The following STK24 variants were observed in gnomAD, a reference collection of about 807,000 sequenced individuals.
STK24 encodes the protein serine/threonine kinase 24, also known as serine/threonine-protein kinase 24.
STK24 carries 21 observed loss-of-function variants against 55.6 expected under a neutral mutation model. The ratio of observed to expected loss-of-function variants is 0.38; its 90% CI spans 0.27 to 0.54. The LOEUF is 0.54. Among genes scored for constraint, STK24 ranks in the 20% least tolerant of loss-of-function variants. The pLI is 0.79. For synonymous variants in STK24, 200 were observed against 215.2 expected, an observed-to-expected ratio of 0.93 and a Z score of 0.62; for missense variants, 383 against 538.4, an observed-to-expected ratio of 0.71 and a Z score of 2.86.
At chr13:98,555,682 T>A (rs1311596357) in intron 1 of STK24, among the ~76,000 whole-genome samples, 1 of 90,384 alleles carries the variant, frequency 1.1e-5, no homozygotes, top group East Asian at 2.6e-4. Flanking sequence ...CCTCCCTGTC[T>A]TTTTTTTTTT....
chr13:98,516,728 G>A (rs1379218009), intron 2 of STK24, among the ~76,000 whole-genome samples: 2 of 152,234 alleles, frequency 1.3e-5, no homozygotes, highest in Non-Finnish European at 2.9e-5. Flanking sequence ...AAGGAACTCA[G>A]GTTCCTGAAT....
intron 3 of STK24, among the ~76,000 whole-genome samples, chr13:98,476,820 A>AC (rs1263950950): frequency 6.6e-6 from 1 of 152,222 alleles, no homozygotes; most frequent in Non-Finnish European, 1.5e-5. Flanking sequence ...GGCCACTCTC[A>AC]GAGGTGGCCT....
At chr13:98,476,414 T>A (rs1894380334) in intron 3 of STK24, among the ~76,000 whole-genome samples, 1 of 152,284 alleles carries the variant, frequency 6.6e-6, no homozygotes, top group East Asian at 1.9e-4. Context: ...ATTCTTGGTT[T>A]TCAGACTTGA....
chr13:98,534,047 C>A (rs547295871), intron 1 of STK24, among the ~76,000 whole-genome samples: 1 of 152,228 alleles, frequency 6.6e-6, no homozygotes, highest in Admixed American at 6.5e-5. Flanking sequence ...GCGGGCACCC[C>A]GCTTGGTCAT....
chr13:98,491,611 T>G, intron 2 of STK24, among the ~76,000 whole-genome samples: 1 of 150,178 alleles, frequency 6.7e-6, no homozygotes, highest in Non-Finnish European at 1.5e-5. Context: ...CTGGAAACAC[T>G]GCAACACCAA....
chr13:98,494,412 C>CCAAAAAAA (rs1895167505), intron 2 of STK24, among the ~76,000 whole-genome samples: 1 of 66,726 alleles, frequency 1.5e-5, no homozygotes, highest in African/African-American at 5.3e-5. Flanking sequence ...AGACTCGTCT[C>CCAAAAAAA]AAAAAAAAAA....
rs765883525 is a variant in STK24 at position 98,576,761 on chromosome 13, C to A, written c.26G>T (p.Gly9Val). Residue 9 changes from glycine (G) to valine (V), a missense_variant, in exon 1 of 11, where the codon GGC (glycine) becomes GTC (valine). By Grantham distance (109) the Gly-to-Val change is moderately radical (BLOSUM62 -3). Coordinates refer to ENST00000539966, the MANE Select transcript of STK24 (RefSeq NM_001032296.4). MAHSPVQSGLPGMQNLKAD... is the reference protein window; with the variant it reads MAHSPVQSVLPGMQNLKAD... ...CCCGCCTACCTGCATGCCGGGCAGG[C>A]CCGACTGCACCGGGGAGTGAGCCAT... 6.6e-5 allele frequency: 96 copies of A among 1,454,084 alleles called. 1 individual carries two copies. The South Asian group carries it at 1.2e-3, about 18-fold the overall frequency. 90.1% of individuals were successfully genotyped at this position (1,454,084 alleles called of 1,614,324 possible). A position where few individuals can be genotyped will look rare whatever the true frequency, so the allele number is the denominator to read the frequency against.
intron 2 of STK24, among the ~76,000 whole-genome samples, chr13:98,497,516 G>A (rs1204321203): frequency 3.9e-5 from 6 of 152,200 alleles, no homozygotes; most frequent in African/African-American, 1.4e-4. Flanking sequence ...ATGAAAGAGA[G>A]GTCAGAACCT....
At chr13:98,475,548 G>A (rs774219456) in intron 3 of STK24, among the ~76,000 whole-genome samples, 190 bp from the exon 4 acceptor site, 8 of 152,178 alleles carry the variant, frequency 5.3e-5, no homozygotes, top group Non-Finnish European at 1.0e-4. Flanking sequence ...CAAAGGGCCC[G>A]AGAAAATGGC....
At chr13:98,491,835 T>A (rs1383056671) in intron 2 of STK24, among the ~76,000 whole-genome samples, 1 of 152,136 alleles carries the variant, frequency 6.6e-6, no homozygotes, top group East Asian at 1.9e-4. Flanking sequence ...AACTTCCAGT[T>A]ACTATAACCA....
rs143420442 is a variant in STK24 at position 98,503,481 on chromosome 13, T to A, written c.273+15762A>T. Among the ~76,000 whole-genome samples, 460 of 152,376 alleles carry A rather than the reference T, an allele frequency of 3.0e-3. 2 individuals are homozygous for A. The highest frequency in any genetic ancestry group is 0.01 in the African/African-American group (424 of 41,588). ...AGCAAGTGAAAGTTCATTGTTTATA[T>A]GGCTGCCTCACATTAAAGTGGCTGC... On this transcript the variant is annotated intron_variant, in intron 2 of 10. Coordinates refer to ENST00000539966, the MANE Select transcript of STK24 (RefSeq NM_001032296.4).
chr13:98,519,948 G>A (rs945511431), intron 1 of STK24, among the ~76,000 whole-genome samples: 5 of 152,080 alleles, frequency 3.3e-5, no homozygotes, highest in African/African-American at 4.8e-5. Flanking sequence ...AACGTATACC[G>A]TAACTATGCA....
chr13:98,545,633 CA>C (rs57995539), intron 1 of STK24, among the ~76,000 whole-genome samples: 24,289 of 117,950 alleles, frequency 0.21, 2,154 homozygotes, highest in Non-Finnish European at 0.24. Context: ...AACTCCATCT[CA>C]AAAAAAAAAA....
intron 1 of STK24, among the ~76,000 whole-genome samples, chr13:98,565,540 G>A (rs1014497691): frequency 1.3e-4 from 19 of 151,266 alleles, no homozygotes; most frequent in Non-Finnish European, 4.4e-5. Flanking sequence ...GCTGAGGCAG[G>A]AGAATTGCTT....
chr13:98,478,953 C>T (rs1894486268), intron 3 of STK24, among the ~76,000 whole-genome samples: 1 of 152,194 alleles, frequency 6.6e-6, no homozygotes, highest in Non-Finnish European at 1.5e-5. Flanking sequence ...AATTGACAGA[C>T]CTCCCCACCA....
chr13:98,527,378 GTGGCC>G (rs1286637266), intron 1 of STK24, among the ~76,000 whole-genome samples: 2 of 152,218 alleles, frequency 1.3e-5, no homozygotes, highest in East Asian at 3.9e-4. Context: ...TCTGATTCCA[GTGGCC>G]AAGACCCCAC....
chr13:98,555,686 T>A (rs1447335166), intron 1 of STK24, among the ~76,000 whole-genome samples: 1 of 146,318 alleles, frequency 6.8e-6, no homozygotes, highest in Non-Finnish European at 1.5e-5. Context: ...CCTGTCTTTT[T>A]TTTTTTTTTT....
chr13:98,554,277 A>T (rs139156229), intron 1 of STK24, among the ~76,000 whole-genome samples: 8 of 152,300 alleles, frequency 5.3e-5, no homozygotes, highest in Admixed American at 2.0e-4. Context: ...AAGAGTCCAT[A>T]CTTCCCAAAG....
In STK24 at chr13:98,576,711, G is replaced by C. The variant is rs1346399582; in HGVS notation, c.42+34C>G. The C allele has an allele frequency of 2.1e-6, 3 of 1,454,360 alleles. No homozygotes were observed. The East Asian group carries it at 9.4e-5, about 45-fold the overall frequency. 90.1% of individuals were successfully genotyped at this position (1,454,360 alleles called of 1,614,324 possible). ...CCAAGTTGCTGCTTCCGCCCCGGTC[G>C]CGCATCCCGGCCCCGCGGCCCGCGC... On this transcript the variant is annotated intron_variant, in intron 1 of 10. Transcript: ENST00000539966.
Sources: allele counts gnomAD v4.1 joint callset (sites outside exome capture counted in the v4.1 genomes callset), GRCh38; gene constraint gnomAD v4.1.1; transcripts MANE v1.5; gene names NCBI Gene and HGNC (gene_info 2026-07-23, HGNC 2026-07-21).